AVEN: variants seen among roughly 807,000 people sequenced by gnomAD.
The protein encoded by AVEN is cell death regulator Aven.
A neutral mutation model predicts 38.1 loss-of-function variants in AVEN; 41 were observed. The observed-to-expected ratio is 1.08, with a 90% CI of 0.84 to 1.40. The LOEUF (loss-of-function observed/expected upper bound fraction) is 1.40, where lower values mean the gene tolerates loss of function less well. AVEN is among the 40% of genes most tolerant of loss of function. AVEN has a pLI of 0.00. For missense variants in AVEN, 605 were observed against 438.8 expected, an observed-to-expected ratio of 1.38 and a Z score of -3.38; for synonymous variants, 206 against 171.8, an observed-to-expected ratio of 1.20 and a Z score of -1.56.
chr15:34,033,614 ATT>A (rs901303991), intron 1 of AVEN, among the ~76,000 whole-genome samples: 143 of 152,364 alleles, frequency 9.4e-4, no homozygotes, highest in African/African-American at 3.3e-3. Context: ...GTTATATAAC[ATT>A]TTTTAAGTCA....
At chr15:33,993,092 C>T (rs965054505) in intron 2 of AVEN, among the ~76,000 whole-genome samples, 3 of 152,164 alleles carry the variant, frequency 2.0e-5, no homozygotes, top group African/African-American at 7.2e-5. Context: ...CTCTGGCTAT[C>T]TGTGACATCT....
In AVEN at chr15:34,025,119, G is replaced by C. The variant is rs555844308; in HGVS notation, c.267+13661C>G. 2.6e-4 allele frequency among the ~76,000 whole-genome samples: 39 copies of C among 152,146 alleles called. 1 individual carries two copies. The South Asian group carries it at 8.1e-3, about 32-fold the overall frequency. On this transcript the variant is annotated intron_variant, in intron 1 of 5. Transcript: ENST00000306730. ...CGGGAGGCAGAGGATGCAATAAGCA[G>C]AGATCGCACCACTGCACTCCACCCT...
intron 1 of AVEN, among the ~76,000 whole-genome samples, chr15:34,037,782 A>G (rs575834220): frequency 6.6e-6 from 1 of 152,216 alleles, no homozygotes; most frequent in East Asian, 1.9e-4. Context: ...CCAGCTCTGT[A>G]TTGCTGTATA....
intron 1 of AVEN, among the ~76,000 whole-genome samples, chr15:34,073,202 G>A (rs921779922): frequency 2.8e-5 from 4 of 141,668 alleles, no homozygotes; most frequent in Non-Finnish European, 6.0e-5. Context: ...CACCTCGCCC[G>A]GCTAATTTTT....
intron 2 of AVEN, among the ~76,000 whole-genome samples, chr15:33,946,515 C>T (rs930916183): frequency 6.6e-6 from 1 of 152,136 alleles, no homozygotes; most frequent in African/African-American, 2.4e-5. Flanking sequence ...GGGAACAAAG[C>T]TTAGTCCTGC....
intron 1 of AVEN, 93 bp downstream of exon 1, chr15:34,038,687 C>G (rs1597379287): frequency 9.3e-7 from 1 of 1,075,528 alleles, no homozygotes; most frequent in Non-Finnish European, 1.1e-6. Context: ...TGGCGCGCGC[C>G]TGGCACGCTC....
At chr15:33,922,593 C>G (rs1893441685) in intron 2 of AVEN, among the ~76,000 whole-genome samples, 1 of 152,060 alleles carries the variant, frequency 6.6e-6, no homozygotes, top group South Asian at 2.1e-4. Flanking sequence ...TACCACCACA[C>G]CCAGCTAATT....
At position 34,063,132 on chromosome 15, in the gene AVEN, C is replaced by A; in HGVS notation, n.1427G>T. 1.9e-6 allele frequency: 3 copies of A among 1,614,164 alleles called. No homozygotes were observed. The South Asian group carries it at 3.3e-5, about 18-fold the overall frequency. On this transcript the variant is annotated non_coding_transcript_exon_variant, in exon 5 of 12. Transcript: ENST00000675287. The surrounding 1 kb of genome is among the most constrained non-coding windows in gnomAD (Gnocchi z 4.1). ...TTCCATCACAAGACCCTTGACATAT[C>A]GGGCCAAGCGTACTCCGAAAAGGGC...
chr15:33,924,553 C>G (rs944629931), intron 2 of AVEN, among the ~76,000 whole-genome samples: 6 of 152,062 alleles, frequency 3.9e-5, no homozygotes, highest in African/African-American at 1.4e-4. Context: ...AACACCTGGG[C>G]TCAAGCCATC....
At chr15:33,882,929 TAA>T (rs1237592999) in intron 2 of AVEN, among the ~76,000 whole-genome samples, 1 of 152,042 alleles carries the variant, frequency 6.6e-6, no homozygotes. Flanking sequence ...GAAATAAATA[TAA>T]GAGATAGCAG....
intron 1 of AVEN, among the ~76,000 whole-genome samples, chr15:34,019,543 C>A (rs1351990706): frequency 6.6e-6 from 1 of 152,208 alleles, no homozygotes. Flanking sequence ...CACTCACTCA[C>A]TGACTCACTC....
intron 2 of AVEN, among the ~76,000 whole-genome samples, chr15:33,879,212 C>A (rs964109326): frequency 1.3e-5 from 2 of 151,546 alleles, no homozygotes; most frequent in African/African-American, 4.9e-5. Context: ...CCATGGAATA[C>A]TATGCAGCCA....
intron 2 of AVEN, among the ~76,000 whole-genome samples, chr15:33,947,404 A>C (rs1292531674): frequency 6.6e-6 from 1 of 152,206 alleles, no homozygotes; most frequent in Admixed American, 6.5e-5. Flanking sequence ...ATCATGAGAG[A>C]CTGAAAGAAA....
downstream of AVEN, chr15:33,854,560 C>T: frequency 1.8e-6 from 2 of 1,082,538 alleles, no homozygotes; most frequent in Non-Finnish European, 2.7e-6. Flanking sequence ...TATCAAAGAC[C>T]AAGAGCCTTA....
At chr15:33,960,547 C>T (rs980156638) in intron 2 of AVEN, among the ~76,000 whole-genome samples, 3 of 151,956 alleles carry the variant, frequency 2.0e-5, no homozygotes, top group African/African-American at 7.3e-5. Flanking sequence ...ACATAAGTAT[C>T]TTATTAATGC....
At chr15:33,852,461 C>T in the AVEN span, 1 of 154,300 alleles carries the variant, frequency 6.5e-6, no homozygotes, top group African/African-American at 2.4e-5. Context: ...AGGGATCCAA[C>T]TCCTGGAGGA....
At chr15:34,012,913 A>G (rs573927678) in intron 1 of AVEN, among the ~76,000 whole-genome samples, 188 of 152,250 alleles carry the variant, frequency 1.2e-3, no homozygotes, top group African/African-American at 4.4e-3. Context: ...TTTCCTTTAT[A>G]AGCACAAATT....
intron 2 of AVEN, among the ~76,000 whole-genome samples, chr15:33,897,681 C>G (rs1892295478): frequency 6.6e-6 from 1 of 151,150 alleles, no homozygotes; most frequent in Non-Finnish European, 1.5e-5. Flanking sequence ...AGTTCAAGAC[C>G]AGTCTGGGCA....
At chr15:34,042,986 G>T (rs574474031), upstream of AVEN, among the ~76,000 whole-genome samples, 3 of 151,826 alleles carry the variant, frequency 2.0e-5, no homozygotes, top group Non-Finnish European at 4.4e-5. Context: ...GGTGGCTCAC[G>T]CCTGTAATCC....
Sources: allele counts gnomAD v4.1 joint callset (sites outside exome capture counted in the v4.1 genomes callset), GRCh38; gene constraint gnomAD v4.1.1; non-coding constraint Gnocchi (gnomAD v3.1); transcripts MANE v1.5; gene names NCBI Gene and HGNC (gene_info 2026-07-23, HGNC 2026-07-21).